CSMD3: variants seen among roughly 807,000 people sequenced by gnomAD.
The protein encoded by CSMD3 is CUB and Sushi multiple domains 3, also known as CUB and sushi domain-containing protein 3.
Under a neutral mutation model 435.2 loss-of-function variants are expected in CSMD3, and 177 were observed. That is an observed-to-expected ratio of 0.41 (90% confidence interval 0.36 to 0.46). CSMD3 has a LOEUF of 0.46. Among genes scored for constraint, CSMD3 ranks in the 20% least tolerant of loss-of-function variants. The pLI, the probability that CSMD3 is intolerant of heterozygous loss-of-function variation, is 0.34. For synonymous variants in CSMD3, 1,656 were observed against 1,520.5 expected (o/e 1.09, Z -2.07); for missense variants, 4,265 against 4,504.6 (o/e 0.95, Z 1.52).
At chr8:112,351,280 C>T (rs753784473) in intron 39 of CSMD3, 36 bp from the exon 40 acceptor site, 1 of 1,410,490 alleles carries the variant, frequency 7.1e-7, no homozygotes, top group East Asian at 2.3e-5. Context: ...AGTACACATA[C>T]ATAAAAAGTT....
intron 45 of CSMD3, among the ~76,000 whole-genome samples, chr8:112,325,627 G>C (rs1047205082): frequency 6.6e-6 from 1 of 152,050 alleles, no homozygotes; most frequent in Non-Finnish European, 1.5e-5. Flanking sequence ...CTAGAGAAAT[G>C]AAAGAATGGA....
chr8:112,382,079 A>C (rs1829510631), intron 37 of CSMD3, among the ~76,000 whole-genome samples: 1 of 152,000 alleles, frequency 6.6e-6, no homozygotes, highest in South Asian at 2.1e-4. Context: ...ATGAGTTGGA[A>C]ACCAGCCTAG....
intron 22 of CSMD3, among the ~76,000 whole-genome samples, chr8:112,623,281 TG>T (rs1296156637): frequency 6.6e-6 from 1 of 152,144 alleles, no homozygotes; most frequent in Non-Finnish European, 1.5e-5. Context: ...GTTTTACTAA[TG>T]TTATTCACTT....
chr8:112,668,334 C>A (rs942833729), intron 16 of CSMD3, among the ~76,000 whole-genome samples: 1 of 151,914 alleles, frequency 6.6e-6, no homozygotes, highest in Admixed American at 6.6e-5. Flanking sequence ...ACAGAAAGCC[C>A]CAAAATACAG....
chr8:112,524,104 G>C (rs1824598687), intron 27 of CSMD3, among the ~76,000 whole-genome samples: 1 of 151,904 alleles, frequency 6.6e-6, no homozygotes, highest in Admixed American at 6.6e-5. Context: ...ACACAGCCCT[G>C]CTTTCATAGA....
chr8:112,943,658 T>A (rs2083518380), intron 9 of CSMD3, among the ~76,000 whole-genome samples: 1 of 151,756 alleles, frequency 6.6e-6, no homozygotes, highest in African/African-American at 2.4e-5. Flanking sequence ...TTACAACCTT[T>A]CCATTTTTTA....
At chr8:113,272,052 T>A (rs564873713) in intron 3 of CSMD3, among the ~76,000 whole-genome samples, 50 of 152,314 alleles carry the variant, frequency 3.3e-4, no homozygotes, top group African/African-American at 1.1e-3. Context: ...TTCTCCCATT[T>A]GGAATGGCTG....
At chr8:112,774,062 C>T (rs1671500545) in intron 13 of CSMD3, among the ~76,000 whole-genome samples, 2 of 151,942 alleles carry the variant, frequency 1.3e-5, no homozygotes, top group South Asian at 4.1e-4. Flanking sequence ...GAGAACATAT[C>T]AGCTATGGAA....
At chr8:112,758,128 G>T (rs933178403) in intron 13 of CSMD3, among the ~76,000 whole-genome samples, 1 of 151,974 alleles carries the variant, frequency 6.6e-6, no homozygotes, top group Admixed American at 6.6e-5. Flanking sequence ...CCCGAGGCGG[G>T]TGGATCACAA....
At chr8:113,047,134 G>A (rs2087871729) in intron 5 of CSMD3, among the ~76,000 whole-genome samples, 1 of 152,178 alleles carries the variant, frequency 6.6e-6, no homozygotes, top group African/African-American at 2.4e-5. Flanking sequence ...TCAGGGAGCT[G>A]AGCCCCGATG....
intron 10 of CSMD3, among the ~76,000 whole-genome samples, chr8:112,899,514 CTA>C (rs200341992): frequency 1.2e-4 from 16 of 135,988 alleles, no homozygotes; most frequent in South Asian, 2.3e-4. Flanking sequence ...TATATATTTT[CTA>C]TATATATATA....
intron 3 of CSMD3, among the ~76,000 whole-genome samples, chr8:113,244,831 CAA>C (rs2093259216): frequency 6.6e-6 from 1 of 151,506 alleles, no homozygotes; most frequent in African/African-American, 2.4e-5. Flanking sequence ...TTATTTTATT[CAA>C]GTCTTCTATT....
chr8:113,229,957 G>A (rs546685500), intron 3 of CSMD3, among the ~76,000 whole-genome samples: 1 of 151,550 alleles, frequency 6.6e-6, no homozygotes, highest in South Asian at 2.1e-4. Flanking sequence ...TGAAGAAAGG[G>A]CTTGTGACTG....
chr8:113,114,277 G>A (rs147584694), intron 4 of CSMD3, among the ~76,000 whole-genome samples: 343 of 152,232 alleles, frequency 2.3e-3, no homozygotes, highest in African/African-American at 7.7e-3. Context: ...TCAATAGAAC[G>A]TGTGAAAAGA....
intron 4 of CSMD3, among the ~76,000 whole-genome samples, chr8:113,112,229 T>C (rs1041567146): frequency 1.3e-5 from 2 of 151,444 alleles, no homozygotes; most frequent in African/African-American, 2.4e-5. Context: ...ATGGTATGTA[T>C]GTGATTACAG....
intron 10 of CSMD3, among the ~76,000 whole-genome samples, chr8:112,890,934 A>C (rs959925142): frequency 7.9e-5 from 12 of 151,650 alleles, no homozygotes; most frequent in African/African-American, 2.7e-4. Flanking sequence ...TTATTCATAT[A>C]ATTAAGAATA....
intron 3 of CSMD3, among the ~76,000 whole-genome samples, chr8:113,226,735 T>C (rs2093033133): frequency 6.6e-6 from 1 of 151,612 alleles, no homozygotes; most frequent in Non-Finnish European, 1.5e-5. Flanking sequence ...TTAAAAGCCT[T>C]AAAACTCTTT....
intron 1 of CSMD3, among the ~76,000 whole-genome samples, chr8:113,430,874 T>C (rs2094668059): frequency 6.6e-6 from 1 of 152,108 alleles, no homozygotes; most frequent in South Asian, 2.1e-4. Context: ...ATATTAATCA[T>C]TAGGATTCCT....
intron 22 of CSMD3, among the ~76,000 whole-genome samples, chr8:112,590,822 A>T: frequency 6.6e-6 from 1 of 152,088 alleles, no homozygotes; most frequent in East Asian, 1.9e-4. Context: ...TTCCTACCTT[A>T]ACATAAGCCC....
Sources: allele counts gnomAD v4.1 joint callset (sites outside exome capture counted in the v4.1 genomes callset), GRCh38; gene constraint gnomAD v4.1.1; transcripts MANE v1.5; gene names NCBI Gene and HGNC (gene_info 2026-07-23, HGNC 2026-07-21).